Variants in SLC35D1 observed in about 807,000 individuals in gnomAD.
SLC35D1 encodes the protein nucleotide sugar transporter SLC35D1.
In SLC35D1, 31 loss-of-function variants were observed where a neutral mutation model predicts 46.7. The observed-to-expected ratio is 0.66, with a 90% CI of 0.50 to 0.90. The LOEUF (loss-of-function observed/expected upper bound fraction) is 0.90. Among genes scored for constraint, SLC35D1 ranks in the 40% least tolerant of loss-of-function variants. The probability of loss-of-function intolerance (pLI) is 0.00; values close to 1 mark genes in which losing one functional copy is unlikely to be tolerated. For synonymous variants in SLC35D1, 195 were observed against 164.6 expected (o/e 1.18, Z -1.41); for missense variants, 397 against 426.2 (o/e 0.93, Z 0.60).
At chr1:67,018,047 T>C (rs1360792832) in intron 10 of SLC35D1, among the ~76,000 whole-genome samples, 1 of 152,178 alleles carries the variant, frequency 6.6e-6, no homozygotes, top group Non-Finnish European at 1.5e-5. Flanking sequence ...GCCTCTAGAT[T>C]AGGCCTATGA....
intron 10 of SLC35D1, among the ~76,000 whole-genome samples, chr1:67,018,422 T>C (rs1667729061): frequency 6.6e-6 from 1 of 152,114 alleles, no homozygotes; most frequent in Non-Finnish European, 1.5e-5. Flanking sequence ...CCTGTAGGTA[T>C]ATATTAGGGT....
At chr1:67,021,722 CA>C in intron 8 of SLC35D1, 120 bp from the exon 9 acceptor site, 1 of 463,522 alleles carries the variant, frequency 2.2e-6, no homozygotes. Context: ...GACACAGACA[CA>C]GACACACACA....
At chr1:67,053,260 A>T (rs1317024324) in intron 1 of SLC35D1, among the ~76,000 whole-genome samples, 1 of 151,790 alleles carries the variant, frequency 6.6e-6, no homozygotes, top group Middle Eastern at 3.2e-3. Flanking sequence ...AAGGCAGTGC[A>T]GATACAGATC....
chr1:67,050,430 C>T lies in SLC35D1; in HGVS notation c.464+3G>A. The T allele has an allele frequency of 6.2e-7, 1 of 1,608,512 alleles. No individual in the cohort carries two copies. Among genetic ancestry groups the T allele is most frequent in the Non-Finnish European group, 8.5e-7 (1 of 1,175,256 alleles). ...GAACAGATATATTAGAAACTTAGCTCACTTGAGTAAAACTCCTTCAGCAAA... is the reference window on the plus strand; with the variant it reads ...GAACAGATATATTAGAAACTTAGCTTACTTGAGTAAAACTCCTTCAGCAAA... On this transcript the variant is annotated splice_donor_region_variant and intron_variant, in intron 5 of 11. Coordinates refer to ENST00000235345, the MANE Select transcript of SLC35D1 (RefSeq NM_015139.3).
the SLC35D1 span, among the ~76,000 whole-genome samples, chr1:66,984,015 C>T: frequency 3.9e-5 from 6 of 152,228 alleles, no homozygotes; most frequent in African/African-American, 1.2e-4. Context: ...TGAGCCACTG[C>T]ACCCAGCCTT....
chr1:66,985,089 CTT>C, the SLC35D1 span: 5 of 1,288,314 alleles, frequency 3.9e-6, no homozygotes, highest in South Asian at 7.1e-5. Flanking sequence ...CTGTCAGACT[CTT>C]TTAAGGGTAT....
Position 67,027,131 on chromosome 1 carries a change from T to C in SLC35D1, c.730-5529A>G, listed in dbSNP as rs1358712329. On this transcript the variant is annotated intron_variant, in intron 8 of 11. Coordinates refer to ENST00000235345, the MANE Select transcript of SLC35D1 (RefSeq NM_015139.3). The stretch of plus-strand genomic sequence containing the variant: ...GTGAGCTTTGGTACATAGTTTGTCT[T>C]TTCCAAGAATCTATTTTGTCTCAGT... Among the ~76,000 whole-genome samples, 5 of 152,234 alleles carry C rather than the reference T, an allele frequency of 3.3e-5. 1 individual carries two copies. The highest frequency in any genetic ancestry group is 3.3e-4 in the Admixed American group (5 of 15,282).
downstream of SLC35D1, among the ~76,000 whole-genome samples, chr1:66,997,407 G>A (rs1667249445): frequency 6.6e-6 from 1 of 150,602 alleles, no homozygotes; most frequent in Admixed American, 6.6e-5. Context: ...GGAGGCTAGG[G>A]TAGGAGAATT....
At chr1:67,029,265 C>T (rs1667973116) in intron 8 of SLC35D1, among the ~76,000 whole-genome samples, 1 of 152,000 alleles carries the variant, frequency 6.6e-6, no homozygotes, top group Admixed American at 6.6e-5. Context: ...ACTATCTCTC[C>T]AGACAGACAT....
At chr1:66,979,328 G>A in the SLC35D1 span, among the ~76,000 whole-genome samples, 2 of 152,134 alleles carry the variant, frequency 1.3e-5, no homozygotes, top group Non-Finnish European at 2.9e-5. Context: ...AAATTTGAGT[G>A]AATTTTCTCA....
downstream of SLC35D1, among the ~76,000 whole-genome samples, chr1:66,995,680 G>A (rs997520873): frequency 4.0e-5 from 6 of 151,880 alleles, no homozygotes; most frequent in African/African-American, 1.5e-4. Context: ...TAGAAGGTGG[G>A]TGGGCTGTCC....
chr1:66,985,202 T>A, the SLC35D1 span: 2 of 977,296 alleles, frequency 2.0e-6, no homozygotes, highest in Non-Finnish European at 1.2e-6. Flanking sequence ...TAAATCTGAA[T>A]GAACTAAAGA....
chr1:66,985,852 G>A, the SLC35D1 span: 2 of 808,460 alleles, frequency 2.5e-6, no homozygotes, highest in Non-Finnish European at 3.0e-6. Flanking sequence ...TTCTACTTAA[G>A]GGCAAGTAAT....
At chr1:66,994,138 T>C in the SLC35D1 span, among the ~76,000 whole-genome samples, 1 of 152,256 alleles carries the variant, frequency 6.6e-6, no homozygotes, top group African/African-American at 2.4e-5. Flanking sequence ...AGCACTGGAC[T>C]CTCAGCCCTA....
chr1:67,050,572 A>C, intron 4 of SLC35D1, 68 bp from the exon 5 acceptor site: 1 of 1,298,734 alleles, frequency 7.7e-7, no homozygotes, highest in South Asian at 1.3e-5. Flanking sequence ...GATTTTCCAA[A>C]TTGGTAGTTA....
intron 8 of SLC35D1, among the ~76,000 whole-genome samples, chr1:67,029,296 A>G (rs895731948): frequency 2.0e-5 from 3 of 152,232 alleles, no homozygotes; most frequent in Non-Finnish European, 4.4e-5. Context: ...TTGATGATTT[A>G]TCTCTGTATC....
chr1:66,989,065 T>C, the SLC35D1 span, among the ~76,000 whole-genome samples: 1 of 152,186 alleles, frequency 6.6e-6, no homozygotes. Context: ...CAACATGAAA[T>C]GCATGATTTT....
the SLC35D1 span, among the ~76,000 whole-genome samples, chr1:66,982,779 T>A: frequency 9.3e-4 from 141 of 152,326 alleles, no homozygotes; most frequent in African/African-American, 3.2e-3. Flanking sequence ...GTTCATTTCA[T>A]GACCCCTCTC....
chr1:67,020,524 G>T, intron 9 of SLC35D1, 77 bp from the exon 10 acceptor site: 1 of 1,051,192 alleles, frequency 9.5e-7, no homozygotes, highest in Non-Finnish European at 1.5e-6. Context: ...AATCAGTGTT[G>T]GCCAAGCCAG....
Sources: gnomAD v4.1 joint callset for allele counts (sites outside exome capture counted in the v4.1 genomes callset) on GRCh38, gnomAD v4.1.1 for gene constraint, MANE v1.5 for transcripts, NCBI Gene and HGNC (gene_info 2026-07-23, HGNC 2026-07-21) for gene names.